The following CUL2 variants were observed in gnomAD, a reference collection of about 807,000 sequenced individuals.
The protein encoded by CUL2 is cullin-2.
A neutral mutation model predicts 110.2 loss-of-function variants in CUL2; 22 were observed. The ratio of observed to expected loss-of-function variants is 0.20; its 90% CI spans 0.14 to 0.28. The LOEUF is 0.28. CUL2 is among the 10% of genes least tolerant of loss of function. The pLI, the probability that CUL2 is intolerant of heterozygous loss-of-function variation, is 1.00. For missense variants in CUL2, 631 were observed against 905.5 expected, an observed-to-expected ratio of 0.70 and a Z score of 3.89; for synonymous variants, 279 against 293.2, an observed-to-expected ratio of 0.95 and a Z score of 0.49.
At chr10:35,079,709 T>C (rs953478600) in intron 1 of CUL2, 3 of 154,832 alleles carry the variant, frequency 1.9e-5, no homozygotes, top group Non-Finnish European at 2.9e-5. Context: ...TCTCAGTCTA[T>C]TATTTTTTTC....
chr10:35,057,648 G>A (rs1191210793), intron 4 of CUL2, among the ~76,000 whole-genome samples: 2 of 137,594 alleles, frequency 1.5e-5, no homozygotes, highest in Non-Finnish European at 3.1e-5. Context: ...GCAAGACTCC[G>A]TCTGAAAAAA....
In CUL2 at chr10:35,082,837, T is replaced by C. The variant is rs1056001077; in HGVS notation, c.-23+7342A>G. Among the ~76,000 whole-genome samples, 7 of 152,258 alleles carry C rather than the reference T, an allele frequency of 4.6e-5. No homozygotes were observed. The South Asian group carries it at 8.3e-4, about 18-fold the overall frequency. On this transcript the variant is annotated intron_variant, in intron 1 of 20. Coordinates refer to ENST00000374749, the MANE Select transcript of CUL2 (RefSeq NM_003591.4). ...TCTTGATGTCACATTATTCATTATT[T>C]TGGTAACTATACACTTACATAATTA...
At chr10:35,035,093 CA>C (rs1250345488) in intron 10 of CUL2, 78 bp downstream of exon 10, 1 of 1,517,870 alleles carries the variant, frequency 6.6e-7, no homozygotes, top group Non-Finnish European at 9.0e-7. Context: ...TTTCATCTTT[CA>C]AAACAATAAA....
At chr10:35,036,424 T>G in intron 9 of CUL2, among the ~76,000 whole-genome samples, 1 of 152,212 alleles carries the variant, frequency 6.6e-6, no homozygotes, top group East Asian at 1.9e-4. Flanking sequence ...TGTATATATG[T>G]CCAGGCATTG....
intron 9 of CUL2, among the ~76,000 whole-genome samples, chr10:35,036,704 A>G (rs1200415332): frequency 6.6e-6 from 1 of 152,082 alleles, no homozygotes; most frequent in Admixed American, 6.6e-5. Context: ...CAGGTACATT[A>G]CCCTATAACT....
At chr10:35,024,710 C>T (rs548740406) in intron 17 of CUL2, among the ~76,000 whole-genome samples, 2 of 152,320 alleles carry the variant, frequency 1.3e-5, no homozygotes, top group East Asian at 3.9e-4. Context: ...AAAAGCTTTA[C>T]TATTGCATTC....
In CUL2 at chr10:35,010,343, C is replaced by A. The variant is rs753167338; in HGVS notation, c.2206G>T (p.Ala736Ser). The A allele has an allele frequency of 1.9e-6, 3 of 1,607,712 alleles. No homozygotes were observed. Among genetic ancestry groups the A allele is most frequent in the East Asian group, 2.3e-5 (1 of 44,338 alleles). Residue 736 changes from alanine to serine, a missense_variant, in exon 21 of 21, where the codon GCG (alanine) becomes TCG (serine). Coordinates refer to ENST00000374749, the MANE Select transcript of CUL2 (RefSeq NM_003591.4). The part of the protein sequence containing the change: ...IDKQYIERSQ[A>S]SADEYSYVA Reference sequence around the variant, plus strand: ...ACGTAGCTGTATTCATCTGCCGACGCCTGGCTGCGTTCTATGTATTGTTTG... The same window carrying A: ...ACGTAGCTGTATTCATCTGCCGACGACTGGCTGCGTTCTATGTATTGTTTG...
intron 1 of CUL2, among the ~76,000 whole-genome samples, chr10:35,089,366 T>C (rs1435472752): frequency 6.6e-6 from 1 of 152,056 alleles, no homozygotes; most frequent in Non-Finnish European, 1.5e-5. Context: ...ATGTAGTCAG[T>C]TGTCAATCAG....
At chr10:35,080,092 T>C (rs2086909194) in intron 1 of CUL2, among the ~76,000 whole-genome samples, 1 of 152,184 alleles carries the variant, frequency 6.6e-6, no homozygotes, top group African/African-American at 2.4e-5. Context: ...GTAACTAAAA[T>C]GCAGAAAACA....
In CUL2 at chr10:35,082,677, C is replaced by T. The variant is rs538911580; in HGVS notation, c.-23+7502G>A. On this transcript the variant is annotated intron_variant, in intron 1 of 20. Transcript: ENST00000374749. The stretch of plus-strand genomic sequence containing the variant: ...CTCTCTAAAAATTTTTAAATGGATG[C>T]ATTCTAATCAAAATAATACTTGGTA... Among the ~76,000 whole-genome samples, 15 of 152,256 alleles carry T rather than the reference C, an allele frequency of 9.9e-5. No homozygotes were observed. The South Asian group carries it at 2.9e-3, about 29-fold the overall frequency.
intron 17 of CUL2, among the ~76,000 whole-genome samples, chr10:35,017,317 G>GAATCTGAATGTTTTCATAAAAATGTTT (rs1370629246): frequency 6.6e-6 from 1 of 151,748 alleles, no homozygotes; most frequent in Non-Finnish European, 1.5e-5. Flanking sequence ...GATAGCAAAA[G>GAATCTGAATGTTTTCATAAAAATGTTT]AATCTGAATG....
intron 1 of CUL2, among the ~76,000 whole-genome samples, chr10:35,079,332 G>A (rs911168174): frequency 8.5e-5 from 13 of 152,176 alleles, no homozygotes; most frequent in African/African-American, 9.7e-5. Context: ...TCGGAAGGTC[G>A]GCATTGGGCT....
intron 5 of CUL2, among the ~76,000 whole-genome samples, chr10:35,051,751 GT>G (rs2086118270): frequency 6.6e-6 from 1 of 152,080 alleles, no homozygotes; most frequent in Non-Finnish European, 1.5e-5. Flanking sequence ...AATTTTGCCC[GT>G]TAGTCTGTTA....
chr10:35,033,014 AATTAT>A, intron 11 of CUL2, 147 bp downstream of exon 11: 1 of 414,662 alleles, frequency 2.4e-6, no homozygotes, highest in Non-Finnish European at 4.2e-6. Flanking sequence ...ATAATTTAAA[AATTAT>A]ATTATTTCTA....
At chr10:35,085,524 C>T (rs2087040832) in intron 1 of CUL2, among the ~76,000 whole-genome samples, 1 of 151,842 alleles carries the variant, frequency 6.6e-6, no homozygotes, top group Non-Finnish European at 1.5e-5. Context: ...GAAGGCGGAC[C>T]ACAAGGTCAG....
At chr10:35,046,899 AAAC>A (rs1193578388) in intron 6 of CUL2, among the ~76,000 whole-genome samples, 2 of 64,466 alleles carry the variant, frequency 3.1e-5, no homozygotes, top group Non-Finnish European at 6.9e-5. Flanking sequence ...TCTCAAAACA[AAAC>A]AAAACAAAAC....
chr10:35,050,336 A>C lies in CUL2; in HGVS notation c.424-571T>G, dbSNP rs557002039. On this transcript the variant is annotated intron_variant, in intron 5 of 20. Coordinates refer to ENST00000374749, the MANE Select transcript of CUL2 (RefSeq NM_003591.4). ...AGACTCCGTCTCAAAAAAAAAAAAAAAACTTAATTTTTTGATTGTTAAAAT... is the reference window on the plus strand; with the variant it reads ...AGACTCCGTCTCAAAAAAAAAAAAACAACTTAATTTTTTGATTGTTAAAAT... Among the ~76,000 whole-genome samples, 9 of 152,060 alleles carry C rather than the reference A, an allele frequency of 5.9e-5. No homozygotes were observed. The East Asian group carries it at 7.7e-4, about 13-fold the overall frequency.
chr10:35,025,202 TAA>T lies in CUL2; in HGVS notation c.1618-6_1618-5del, dbSNP rs58779572. ...GTTGGCTATAAAATAATTCAAACTG[TAA>T]AAAAAAAAAAAAAACACACATTATT... On this transcript the variant is annotated splice_region_variant and splice_polypyrimidine_tract_variant and intron_variant, in intron 16 of 20. Transcript: ENST00000374749. 28,314 of 1,401,388 alleles carry T rather than the reference TAA, an allele frequency of 0.02. 15 individuals carry two copies. Among genetic ancestry groups the T allele is most frequent in the South Asian group, 0.042 (2,845 of 67,276 alleles). 86.8% of individuals were successfully genotyped at this position (1,401,388 alleles called of 1,614,324 possible).
At position 35,014,073 on chromosome 10, in the gene CUL2, A is replaced by G. The variant is rs540662982; in HGVS notation, c.1888-273T>C. Among the ~76,000 whole-genome samples, 7 of 152,324 alleles carry G rather than the reference A, an allele frequency of 4.6e-5. No homozygotes were observed. The South Asian group carries it at 1.0e-3, about 23-fold the overall frequency. ...TTTCTGGTCCTACTATTCTATATAC[A>G]CTACTTTTTGATAAAATAAGAGTCA... On this transcript the variant is annotated intron_variant, in intron 18 of 20. Transcript: ENST00000374749.
Sources: gnomAD v4.1 joint callset for allele counts (sites outside exome capture counted in the v4.1 genomes callset) on GRCh38, gnomAD v4.1.1 for gene constraint, MANE v1.5 for transcripts, NCBI Gene and HGNC (gene_info 2026-07-23, HGNC 2026-07-21) for gene names.